DNM3: variants seen among roughly 807,000 people sequenced by gnomAD.
The protein encoded by DNM3 is dynamin-3.
In DNM3, 47 loss-of-function variants were observed where a neutral mutation model predicts 101.6. That is an observed-to-expected ratio of 0.46 (90% CI 0.37 to 0.59). DNM3 has a LOEUF of 0.59. DNM3 is among the 20% of genes least tolerant of loss of function. DNM3 has a pLI of 0.00. For synonymous variants in DNM3, 385 were observed against 387.9 expected, an observed-to-expected ratio of 0.99 and a Z score of 0.09; for missense variants, 849 against 1,085.7, an observed-to-expected ratio of 0.78 and a Z score of 3.06.
At chr1:172,019,136 C>G (rs898746469) in intron 4 of DNM3, among the ~76,000 whole-genome samples, 1 of 149,164 alleles carries the variant, frequency 6.7e-6, no homozygotes, top group South Asian at 2.1e-4. Context: ...TCCTCTCTGT[C>G]CTCTCTTTTC....
At chr1:172,327,274 G>C (rs780644857) in intron 17 of DNM3, among the ~76,000 whole-genome samples, 1 of 152,140 alleles carries the variant, frequency 6.6e-6, no homozygotes, top group African/African-American at 2.4e-5. Flanking sequence ...GTTATCACTG[G>C]GAGTGATTAT....
At chr1:172,242,782 C>T (rs898360624) in intron 14 of DNM3, among the ~76,000 whole-genome samples, 4 of 152,144 alleles carry the variant, frequency 2.6e-5, no homozygotes, top group East Asian at 1.9e-4. Flanking sequence ...TGTCTGATCC[C>T]GCTGCCACAA....
chr1:171,896,638 A>T (rs546836816), intron 1 of DNM3, among the ~76,000 whole-genome samples: 93 of 152,264 alleles, frequency 6.1e-4, no homozygotes, highest in Middle Eastern at 3.4e-3. Flanking sequence ...AATACCCTTT[A>T]TTTCTTTCTC....
chr1:171,857,433 G>A (rs147093018), intron 1 of DNM3, among the ~76,000 whole-genome samples: 1 of 152,112 alleles, frequency 6.6e-6, no homozygotes, highest in African/African-American at 2.4e-5. Flanking sequence ...CTGGAGGAAG[G>A]ATAGTAAAAT....
chr1:172,019,199 CTTTCTTTTTTCT>C (rs2047662531), intron 4 of DNM3, among the ~76,000 whole-genome samples: 2 of 145,528 alleles, frequency 1.4e-5, no homozygotes, highest in African/African-American at 5.1e-5. Context: ...CTTCCTTTTC[CTTTCTTTTTTCT>C]TTTCTTTTAT....
intron 14 of DNM3, among the ~76,000 whole-genome samples, chr1:172,231,538 TCTC>T (rs2148608967): frequency 6.6e-6 from 1 of 152,062 alleles, no homozygotes; most frequent in South Asian, 2.1e-4. Flanking sequence ...TCAGAGCACC[TCTC>T]CTCCTCCAAA....
At chr1:171,848,310 C>CT (rs981714755) in intron 1 of DNM3, among the ~76,000 whole-genome samples, 6 of 152,024 alleles carry the variant, frequency 3.9e-5, no homozygotes, top group African/African-American at 9.6e-5. Context: ...ATTTTATTAC[C>CT]TTTTTTTTCC....
In DNM3 at chr1:171,967,327, C is replaced by T. The variant is rs1352710860; in HGVS notation, c.236-20329C>T. Among the ~76,000 whole-genome samples, 3 of 152,116 alleles carry T rather than the reference C, an allele frequency of 2.0e-5. No individual in the cohort carries two copies. In the East Asian group the frequency reaches 5.8e-4, roughly 29 times the overall value. ...ATGACCTGACTTCTTGTATTTCTAC[C>T]ATTTTTTAGTTTGTGACTTTATAAA... On this transcript the variant is annotated intron_variant, in intron 2 of 20. Transcript: ENST00000627582.
intron 14 of DNM3, among the ~76,000 whole-genome samples, chr1:172,199,560 C>G (rs510473): frequency 6.6e-6 from 1 of 151,924 alleles, no homozygotes; most frequent in African/African-American, 2.4e-5. Context: ...TTGTAAGTCT[C>G]TAAGAACTTC....
intron 4 of DNM3, among the ~76,000 whole-genome samples, chr1:172,018,808 T>C (rs2047625430): frequency 6.6e-6 from 1 of 152,226 alleles, no homozygotes; most frequent in South Asian, 2.1e-4. Flanking sequence ...TTCTCTTGCT[T>C]TCTTTATGTA....
intron 4 of DNM3, among the ~76,000 whole-genome samples, chr1:172,003,821 A>G (rs2046501651): frequency 6.6e-6 from 1 of 152,012 alleles, no homozygotes; most frequent in South Asian, 2.1e-4. Context: ...AAGGATGATA[A>G]GAGAGAAGGG....
At chr1:171,893,922 A>G (rs1037981043) in intron 1 of DNM3, among the ~76,000 whole-genome samples, 1 of 152,132 alleles carries the variant, frequency 6.6e-6, no homozygotes, top group Non-Finnish European at 1.5e-5. Flanking sequence ...TTATATATAT[A>G]TATTTTTTCT....
At chr1:172,034,411 C>CA (rs2048820552) in intron 6 of DNM3, among the ~76,000 whole-genome samples, 1 of 151,834 alleles carries the variant, frequency 6.6e-6, no homozygotes, top group Admixed American at 6.6e-5. Flanking sequence ...TATTTGCCTA[C>CA]AAAAAATACA....
chr1:172,376,400 T>A (rs1320848563), intron 17 of DNM3: 1 of 152,064 alleles, frequency 6.6e-6, no homozygotes, highest in African/African-American at 2.4e-5. Flanking sequence ...GTCATTTCAG[T>A]GCTTCAACTG....
intron 4 of DNM3, among the ~76,000 whole-genome samples, chr1:172,003,539 TC>T (rs2046480466): frequency 6.6e-6 from 1 of 151,740 alleles, no homozygotes; most frequent in Admixed American, 6.6e-5. Context: ...CTCCCTCCTC[TC>T]CTGCCCCCTC....
intron 2 of DNM3, among the ~76,000 whole-genome samples, chr1:171,939,553 A>G (rs1027236175): frequency 2.6e-5 from 4 of 152,184 alleles, no homozygotes; most frequent in African/African-American, 9.7e-5. Flanking sequence ...AAGAGATCGG[A>G]TGGAAGAAAG....
chr1:172,056,030 G>A (rs868262117), intron 10 of DNM3, among the ~76,000 whole-genome samples: 5 of 152,224 alleles, frequency 3.3e-5, no homozygotes, highest in Admixed American at 6.5e-5. Context: ...CCTCACTCCG[G>A]AAGTGCAAGG....
intron 1 of DNM3, among the ~76,000 whole-genome samples, chr1:171,852,152 A>G (rs952950815): frequency 1.3e-5 from 2 of 152,228 alleles, no homozygotes; most frequent in East Asian, 1.9e-4. Context: ...ACAAATTCAG[A>G]CATTCCAAAA....
chr1:172,021,413 A>C (rs1410414485), intron 4 of DNM3, among the ~76,000 whole-genome samples: 1 of 152,072 alleles, frequency 6.6e-6, no homozygotes, highest in Non-Finnish European at 1.5e-5. Context: ...GCTATGACTG[A>C]GCCATTACAC....
Sources: gnomAD v4.1 joint callset for allele counts (sites outside exome capture counted in the v4.1 genomes callset) on GRCh38, gnomAD v4.1.1 for gene constraint, MANE v1.5 for transcripts, NCBI Gene and HGNC (gene_info 2026-07-23, HGNC 2026-07-21) for gene names.